The following FAM53B variants were observed in gnomAD, a reference collection of about 807,000 sequenced individuals.
FAM53B encodes the protein family with sequence similarity 53 member B.
FAM53B carries 12 observed loss-of-function variants against 32.7 expected under a neutral mutation model. That is an observed-to-expected ratio of 0.37 (90% confidence interval 0.24 to 0.59). The LOEUF is 0.59. FAM53B is among the 20% of genes least tolerant of loss of function. The pLI is 0.72. For synonymous variants in FAM53B, 234 were observed against 228.7 expected, an observed-to-expected ratio of 1.02 and a Z score of -0.21; for missense variants, 477 against 577.7, an observed-to-expected ratio of 0.83 and a Z score of 1.79.
chr10:124,623,935 C>T (rs1239332111), intron 4 of FAM53B: 2 of 285,848 alleles, frequency 7.0e-6, no homozygotes, highest in Non-Finnish European at 1.3e-5. Flanking sequence ...CTTTCTGAAG[C>T]GCAACCTGGG....
Position 124,733,280 on chromosome 10 carries a change from G to A in FAM53B, c.-175+10733C>T, listed in dbSNP as rs1459269574. ...CTTAATTCTCCTCTTCTGGGCCCAGGTCACATGCCACACAGTCAACGGGGC... is the reference window on the plus strand; with the variant it reads ...CTTAATTCTCCTCTTCTGGGCCCAGATCACATGCCACACAGTCAACGGGGC... On this transcript the variant is annotated intron_variant, in intron 1 of 4. Transcript: ENST00000337318. This position sits in a 1 kb window ranked among gnomAD's most constrained non-coding sequence, Gnocchi z 4.3. 6.6e-6 allele frequency among the ~76,000 whole-genome samples: 1 copy of A among 152,156 alleles called. No individual in the cohort carries two copies. Among genetic ancestry groups the A allele is most frequent in the Non-Finnish European group, 1.5e-5 (1 of 68,044 alleles).
intron 1 of FAM53B, among the ~76,000 whole-genome samples, chr10:124,731,702 C>T (rs764822166): frequency 1.3e-5 from 2 of 151,990 alleles, no homozygotes; most frequent in Non-Finnish European, 2.9e-5. Flanking sequence ...TCTCACAAGG[C>T]GGCTCCCTTC....
chr10:124,626,338 A>G (rs1039093705), intron 4 of FAM53B, among the ~76,000 whole-genome samples: 4 of 147,718 alleles, frequency 2.7e-5, no homozygotes, highest in African/African-American at 1.0e-4. Flanking sequence ...TATGGCCACC[A>G]TGATTGTGTG....
chr10:124,700,571 T>A (rs541597276), intron 2 of FAM53B, among the ~76,000 whole-genome samples: 34 of 152,102 alleles, frequency 2.2e-4, no homozygotes, highest in Non-Finnish European at 4.0e-4. Flanking sequence ...ACTCCTCAGA[T>A]CACGAGAGAA....
At chr10:124,655,999 T>C (rs775300607) in intron 4 of FAM53B, among the ~76,000 whole-genome samples, 41 of 152,172 alleles carry the variant, frequency 2.7e-4, no homozygotes, top group Non-Finnish European at 5.3e-4. Context: ...ACGGGATCCA[T>C]CCAGCAGCAG....
intron 1 of FAM53B, among the ~76,000 whole-genome samples, chr10:124,743,227 G>A (rs1194737874): frequency 1.3e-5 from 2 of 152,214 alleles, no homozygotes; most frequent in East Asian, 3.9e-4. Context: ...GGGTGTCCTC[G>A]TTTCTTTCGT....
At chr10:124,688,948 A>G (rs965427839) in intron 3 of FAM53B, among the ~76,000 whole-genome samples, 3 of 152,234 alleles carry the variant, frequency 2.0e-5, no homozygotes, top group African/African-American at 7.2e-5. Flanking sequence ...TTATGGTCAC[A>G]TAAGTACAGA....
chr10:124,627,392 C>G (rs779318708), intron 4 of FAM53B, among the ~76,000 whole-genome samples: 1 of 152,214 alleles, frequency 6.6e-6, no homozygotes, highest in Non-Finnish European at 1.5e-5. Flanking sequence ...GGCCTGTGTG[C>G]CCTCAAAAAT....
intron 3 of FAM53B, among the ~76,000 whole-genome samples, chr10:124,685,307 T>A (rs1379494394): frequency 6.6e-6 from 1 of 152,192 alleles, no homozygotes; most frequent in Non-Finnish European, 1.5e-5. Context: ...ATCGAATATG[T>A]GGGGGATGTG....
intron 2 of FAM53B, among the ~76,000 whole-genome samples, chr10:124,698,677 C>T (rs902649984): frequency 1.3e-5 from 2 of 152,138 alleles, no homozygotes; most frequent in Non-Finnish European, 2.9e-5. Flanking sequence ...GACTCCTCAC[C>T]ACCCCACCAT....
At chr10:124,673,907 T>G (rs890653072) in intron 4 of FAM53B, among the ~76,000 whole-genome samples, 2 of 152,196 alleles carry the variant, frequency 1.3e-5, no homozygotes, top group African/African-American at 4.8e-5. Context: ...CCTGGGCAGA[T>G]GCATGCATGG....
chr10:124,685,764 C>T (rs772929359), intron 3 of FAM53B, among the ~76,000 whole-genome samples: 5 of 152,182 alleles, frequency 3.3e-5, no homozygotes, highest in Non-Finnish European at 7.4e-5. Context: ...ACACACCATC[C>T]CTCCCATCTG....
intron 2 of FAM53B, among the ~76,000 whole-genome samples, chr10:124,698,320 C>A (rs1441020064): frequency 6.6e-6 from 1 of 152,264 alleles, no homozygotes; most frequent in South Asian, 2.1e-4. Context: ...GCTTCACTGG[C>A]ATGCATGCAG....
chr10:124,684,356 G>A (rs989223190), intron 3 of FAM53B, among the ~76,000 whole-genome samples: 4 of 152,250 alleles, frequency 2.6e-5, no homozygotes, highest in East Asian at 3.9e-4. Flanking sequence ...GATCAATTAC[G>A]TCCAAAAATC....
At chr10:124,662,803 G>A (rs1949643285) in intron 4 of FAM53B, among the ~76,000 whole-genome samples, 1 of 152,212 alleles carries the variant, frequency 6.6e-6, no homozygotes, top group Non-Finnish European at 1.5e-5. Context: ...CAGCCTGGGT[G>A]ACAGAGCAAG....
In FAM53B at chr10:124,724,464, C is replaced by CA. The variant is rs575304934; in HGVS notation, c.-174-17578dup. 1.9e-3 allele frequency among the ~76,000 whole-genome samples: 287 copies of CA among 152,300 alleles called. 2 individuals carry two copies. Among genetic ancestry groups the CA allele is most frequent in the Non-Finnish European group, 1.1e-3 (76 of 68,010 alleles). ...AGCCGCCACCCTGCTCTCTGCCTCCCATCACTCTGCTTCTCTCCACCTCTC... is the reference window on the plus strand; with the variant it reads ...AGCCGCCACCCTGCTCTCTGCCTCCCAATCACTCTGCTTCTCTCCACCTCTC... On this transcript the variant is annotated intron_variant, in intron 1 of 4. Transcript: ENST00000337318.
intron 4 of FAM53B, among the ~76,000 whole-genome samples, chr10:124,662,151 T>C (rs944102704): frequency 6.6e-6 from 1 of 152,216 alleles, no homozygotes; most frequent in Admixed American, 6.5e-5. Context: ...GGAACAAGCA[T>C]GGGCCTCATG....
chr10:124,694,123 C>A (rs1421632875), intron 3 of FAM53B, among the ~76,000 whole-genome samples: 2 of 152,234 alleles, frequency 1.3e-5, no homozygotes, highest in Non-Finnish European at 2.9e-5. Flanking sequence ...CGGCTCCCCG[C>A]TTCTCCCTCT....
chr10:124,655,034 T>C (rs902941885), intron 4 of FAM53B, among the ~76,000 whole-genome samples: 1 of 152,210 alleles, frequency 6.6e-6, no homozygotes, highest in African/African-American at 2.4e-5. Flanking sequence ...ACACAGGTGA[T>C]GGGCTTCTGG....
Sources: allele counts gnomAD v4.1 joint callset (sites outside exome capture counted in the v4.1 genomes callset), GRCh38; gene constraint gnomAD v4.1.1; non-coding constraint Gnocchi (gnomAD v3.1); transcripts MANE v1.5; gene names NCBI Gene and HGNC (gene_info 2026-07-23, HGNC 2026-07-21).